The following AGO2 variants were observed in gnomAD, a reference collection of about 807,000 sequenced individuals.
AGO2 encodes the protein protein argonaute-2.
Under a neutral mutation model 102.3 loss-of-function variants are expected in AGO2, and 5 were observed. The ratio of observed to expected loss-of-function variants is 0.05; its 90% CI spans 0.03 to 0.10. The LOEUF is 0.10. AGO2 is among the 10% of genes least tolerant of loss of function. The pLI is 1.00. For synonymous variants in AGO2, 449 were observed against 473.1 expected (o/e 0.95, Z 0.66); for missense variants, 541 against 1,183.7 (o/e 0.46, Z 7.97).
chr8:140,574,738 C>T (rs917064976), intron 2 of AGO2, among the ~76,000 whole-genome samples: 10 of 152,072 alleles, frequency 6.6e-5, no homozygotes, highest in Admixed American at 5.9e-4. Flanking sequence ...CCAGGAAATG[C>T]CAGCTCAGGG....
chr8:140,581,351 C>T (rs1044360204), intron 2 of AGO2, among the ~76,000 whole-genome samples: 2 of 152,184 alleles, frequency 1.3e-5, no homozygotes, highest in Non-Finnish European at 2.9e-5. Flanking sequence ...CCAGTCTCTA[C>T]TAAAAATGCA....
At chr8:140,607,122 G>T (rs981761358) in intron 1 of AGO2, among the ~76,000 whole-genome samples, 5 of 152,064 alleles carry the variant, frequency 3.3e-5, no homozygotes, top group Admixed American at 6.6e-5. Context: ...GGTGGTGCAT[G>T]CTTGTAACCG....
At chr8:140,554,362 C>G (rs1384829185) in intron 10 of AGO2, among the ~76,000 whole-genome samples, 1 of 152,096 alleles carries the variant, frequency 6.6e-6, no homozygotes, top group Non-Finnish European at 1.5e-5. Context: ...CCATGCCCAC[C>G]ACCAGGGACA....
chr8:140,607,515 T>TAC (rs1159722896), intron 1 of AGO2, among the ~76,000 whole-genome samples: 443 of 18,758 alleles, frequency 0.024, 10 homozygotes, highest in Non-Finnish European at 0.041. Flanking sequence ...TATATATATA[T>TAC]ACACACACAC....
intron 13 of AGO2, among the ~76,000 whole-genome samples, chr8:140,546,747 G>A (rs917946536): frequency 1.3e-5 from 2 of 152,206 alleles, no homozygotes; most frequent in African/African-American, 2.4e-5. Flanking sequence ...CGTTGTTGTC[G>A]TCCAAATGTT....
intron 1 of AGO2, among the ~76,000 whole-genome samples, chr8:140,628,588 T>G (rs2074304554): frequency 6.7e-6 from 1 of 148,568 alleles, no homozygotes; most frequent in African/African-American, 2.5e-5. Context: ...GAGGATTACT[T>G]GAGGCCAGGA....
In AGO2 at chr8:140,527,259, CAACA is replaced by C. The variant is rs1213714018; in HGVS notation, c.*4781_*4784del. On this transcript the variant is annotated 3_prime_UTR_variant, in exon 19 of 19. Coordinates refer to ENST00000220592, the MANE Select transcript of AGO2 (RefSeq NM_012154.5). This position sits in a 1 kb window ranked among gnomAD's most constrained non-coding sequence, Gnocchi z 6.0. The stretch of plus-strand genomic sequence containing the variant: ...GGCGAACTTGTCCTTCATAAATGGT[CAACA>C]GACACGAAGCTAAAGGGCGGAACAG... 1.3e-5 allele frequency: 2 copies of C among 152,142 alleles called. No individual in the cohort carries two copies. The highest frequency in any genetic ancestry group is 2.4e-5 in the African/African-American group (1 of 41,426). 9.4% of individuals were successfully genotyped at this position (152,142 alleles called of 1,614,324 possible).
At chr8:140,565,827 C>T (rs1291859529) in intron 3 of AGO2, among the ~76,000 whole-genome samples, 1 of 151,938 alleles carries the variant, frequency 6.6e-6, no homozygotes, top group Non-Finnish European at 1.5e-5. Flanking sequence ...CGCCTATAAT[C>T]CCAGCTCTTT....
intron 16 of AGO2, 135 bp from the exon 17 acceptor site, chr8:140,535,704 G>A (rs2072684603): frequency 5.7e-6 from 4 of 700,454 alleles, no homozygotes; most frequent in Non-Finnish European, 1.0e-5. Flanking sequence ...CAGGTCCTCG[G>A]TAGGATAGTG....
intron 10 of AGO2, 148 bp downstream of exon 10, chr8:140,555,748 C>T: frequency 8.6e-7 from 1 of 1,167,346 alleles, no homozygotes; most frequent in Non-Finnish European, 1.2e-6. Context: ...TATGAAATCT[C>T]ACGTCTTTTA....
chr8:140,560,864 T>C (rs1350361276), intron 4 of AGO2, among the ~76,000 whole-genome samples: 1 of 152,246 alleles, frequency 6.6e-6, no homozygotes, highest in Non-Finnish European at 1.5e-5. Context: ...TCTTCACCTC[T>C]TGGGGCCTGT....
At chr8:140,538,554 G>A (rs1367919804) in intron 16 of AGO2, among the ~76,000 whole-genome samples, 2 of 152,142 alleles carry the variant, frequency 1.3e-5, no homozygotes, top group East Asian at 1.9e-4. Context: ...TTCCCCTTCC[G>A]GAACACCTAT....
At chr8:140,573,110 A>G (rs1283520159) in intron 2 of AGO2, among the ~76,000 whole-genome samples, 178 bp from the exon 3 acceptor site, 1 of 151,576 alleles carries the variant, frequency 6.6e-6, no homozygotes, top group East Asian at 1.9e-4. Flanking sequence ...CCTGGGTTCA[A>G]GCAATTCTCC....
intron 3 of AGO2, among the ~76,000 whole-genome samples, chr8:140,563,730 C>T (rs1254852782): frequency 6.6e-6 from 1 of 152,188 alleles, no homozygotes; most frequent in Non-Finnish European, 1.5e-5. Flanking sequence ...CTGCTCTGTG[C>T]ACCTGAGGTG....
At chr8:140,617,701 C>T (rs527990191) in intron 1 of AGO2, among the ~76,000 whole-genome samples, 24 of 152,336 alleles carry the variant, frequency 1.6e-4, no homozygotes, top group African/African-American at 5.8e-4. Context: ...GATCTGTGTG[C>T]TGCCATCATC....
At chr8:140,544,163 C>T (rs760743254) in intron 14 of AGO2, 50 bp downstream of exon 14, 4 of 1,509,194 alleles carry the variant, frequency 2.7e-6, no homozygotes, top group Admixed American at 2.5e-5. Context: ...ACTTCGACAG[C>T]GTCCTGCATG....
chr8:140,564,278 G>A (rs2073246072), intron 3 of AGO2, among the ~76,000 whole-genome samples: 2 of 151,682 alleles, frequency 1.3e-5, no homozygotes, highest in South Asian at 4.2e-4. Flanking sequence ...CAACTCATCA[G>A]GACAGCGGAG....
Position 140,557,024 on chromosome 8 carries a change from C to T in AGO2, c.1026+65G>A, listed in dbSNP as rs1435303602. The T allele has an allele frequency of 1.9e-6, 3 of 1,548,296 alleles. No individual in the cohort carries two copies. Among genetic ancestry groups the T allele is most frequent in the Non-Finnish European group, 2.6e-6 (3 of 1,146,020 alleles). On this transcript the variant is annotated intron_variant, in intron 8 of 18. Transcript: ENST00000220592. This position sits in a 1 kb window ranked among gnomAD's most constrained non-coding sequence, Gnocchi z 5.9. ...GGGCCTCGGCGGTTTCTCGAAGCTG[C>T]ATGCCCCAGCCTGGGACGCCGCCCT...
chr8:140,634,994 G>GCCGGGCGCCCCGAC (rs1330167373), intron 1 of AGO2, among the ~76,000 whole-genome samples: 1 of 151,534 alleles, frequency 6.6e-6, no homozygotes, highest in East Asian at 1.9e-4. Context: ...CGCGCCCCGA[G>GCCGGGCGCCCCGAC]CCGGGCGCCC....
Sources: gnomAD v4.1 joint callset for allele counts (sites outside exome capture counted in the v4.1 genomes callset) on GRCh38, gnomAD v4.1.1 for gene constraint, Gnocchi (gnomAD v3.1) non-coding constraint, MANE v1.5 for transcripts, NCBI Gene and HGNC (gene_info 2026-07-23, HGNC 2026-07-21) for gene names.